Variants in PGBD5 observed in about 807,000 individuals in gnomAD.
The protein encoded by PGBD5 is piggyBac transposable element-derived protein 5.
Under a neutral mutation model 47.9 loss-of-function variants are expected in PGBD5, and 14 were observed. That is an observed-to-expected ratio of 0.29 (90% CI 0.19 to 0.46). PGBD5 has a LOEUF of 0.46. Among genes scored for constraint, PGBD5 ranks in the 20% least tolerant of loss-of-function variants. The probability of loss-of-function intolerance (pLI) is 1.00; values close to 1 mark genes in which losing one functional copy is unlikely to be tolerated. For missense variants in PGBD5, 635 were observed against 716.0 expected (o/e 0.89, Z 1.29); for synonymous variants, 316 against 306.3 (o/e 1.03, Z -0.33).
chr1:230,335,206 TAC>T (rs1403618432), intron 4 of PGBD5, among the ~76,000 whole-genome samples: 1 of 13,598 alleles, frequency 7.4e-5, no homozygotes, highest in Admixed American at 5.8e-4. Context: ...CACACAGATA[TAC>T]AGACAGACAC....
intron 1 of PGBD5, among the ~76,000 whole-genome samples, chr1:230,398,754 G>T (rs1657061020): frequency 6.6e-6 from 1 of 152,200 alleles, no homozygotes; most frequent in Non-Finnish European, 1.5e-5. Flanking sequence ...CCAGAACTGG[G>T]TTTTTAGGGG....
chr1:230,369,214 G>T (rs1460321274), intron 1 of PGBD5, among the ~76,000 whole-genome samples: 1 of 152,240 alleles, frequency 6.6e-6, no homozygotes, highest in African/African-American at 2.4e-5. Context: ...GAGACCTGAA[G>T]ACTTCCACCC....
chr1:230,358,023 T>A (rs1667683702), intron 1 of PGBD5, among the ~76,000 whole-genome samples: 1 of 151,778 alleles, frequency 6.6e-6, no homozygotes, highest in Non-Finnish European at 1.5e-5. Context: ...TACACATACA[T>A]ACATTTAAAA....
At chr1:230,339,992 C>G (rs1328797331) in intron 3 of PGBD5, among the ~76,000 whole-genome samples, 1 of 152,130 alleles carries the variant, frequency 6.6e-6, no homozygotes, top group Non-Finnish European at 1.5e-5. Flanking sequence ...TTTAAGTGTT[C>G]TCACCACAAA....
At chr1:230,403,683 G>C (rs1657202073) in intron 1 of PGBD5, among the ~76,000 whole-genome samples, 1 of 152,320 alleles carries the variant, frequency 6.6e-6, no homozygotes, top group South Asian at 2.1e-4. Context: ...ACAAGTAAAG[G>C]GAAGGTCATG....
At chr1:230,397,502 A>C (rs1657015445) in intron 1 of PGBD5, among the ~76,000 whole-genome samples, 1 of 152,226 alleles carries the variant, frequency 6.6e-6, no homozygotes, top group Admixed American at 6.5e-5. Context: ...TATAAAGATG[A>C]ATCTTTAAAT....
In PGBD5 at chr1:230,425,053, G is replaced by A. The variant is rs1432999484; in HGVS notation, c.331+545C>T. On this transcript the variant is annotated intron_variant, in intron 1 of 6. Coordinates refer to ENST00000391860, the MANE Select transcript of PGBD5 (RefSeq NM_001258311.2). The surrounding 1 kb of genome is among the most constrained non-coding windows in gnomAD (Gnocchi z 4.7). The stretch of plus-strand genomic sequence containing the variant: ...CAAGAGATCTGGAATGGCGCGGACA[G>A]GGAAAGTTTCTCAGATTAAGGAGAA... Among the ~76,000 whole-genome samples, 1 of 152,174 alleles carries A rather than the reference G, an allele frequency of 6.6e-6. No homozygotes were observed. The highest frequency in any genetic ancestry group is 1.5e-5 in the Non-Finnish European group (1 of 68,038).
chr1:230,417,986 G>A (rs1657555296), intron 1 of PGBD5, among the ~76,000 whole-genome samples: 2 of 152,236 alleles, frequency 1.3e-5, no homozygotes. Context: ...ATTTGGCAAT[G>A]TCTGGAGACA....
intron 3 of PGBD5, among the ~76,000 whole-genome samples, chr1:230,342,529 C>T (rs1667420980): frequency 6.6e-6 from 1 of 151,538 alleles, no homozygotes; most frequent in East Asian, 1.9e-4. Context: ...GCGGCTGTCA[C>T]CTGGGACATC....
chr1:230,419,302 C>G (rs980558713), intron 1 of PGBD5, among the ~76,000 whole-genome samples: 1 of 152,162 alleles, frequency 6.6e-6, no homozygotes, highest in African/African-American at 2.4e-5. Context: ...TGAACTAATG[C>G]AGGAATAGAA....
At chr1:230,424,476 G>C (rs1249927844) in intron 1 of PGBD5, among the ~76,000 whole-genome samples, 2 of 152,210 alleles carry the variant, frequency 1.3e-5, no homozygotes, top group Non-Finnish European at 2.9e-5. Context: ...TCAGAGTCCA[G>C]CTAACCCTAC....
At chr1:230,374,280 G>T (rs1667979036) in intron 1 of PGBD5, among the ~76,000 whole-genome samples, 2 of 152,250 alleles carry the variant, frequency 1.3e-5, no homozygotes, top group South Asian at 4.2e-4. Flanking sequence ...AGCTGGGCAT[G>T]GTGGCAGGCG....
chr1:230,325,742 C>A (rs1473319673), intron 5 of PGBD5, among the ~76,000 whole-genome samples: 1 of 152,046 alleles, frequency 6.6e-6, no homozygotes, highest in African/African-American at 2.4e-5. Flanking sequence ...TCCGACTGGG[C>A]CTTGAAAGAG....
intron 6 of PGBD5, among the ~76,000 whole-genome samples, chr1:230,324,836 T>C (rs1420873712): frequency 6.6e-6 from 1 of 152,194 alleles, no homozygotes; most frequent in African/African-American, 2.4e-5. Flanking sequence ...CCACATCTGG[T>C]GATCTAAATA....
chr1:230,374,777 T>C (rs555847658), intron 1 of PGBD5, among the ~76,000 whole-genome samples: 1 of 152,332 alleles, frequency 6.6e-6, no homozygotes, highest in Non-Finnish European at 1.5e-5. Context: ...GAGAGCAGGA[T>C]TAGGAAGTTT....
rs569400933 is a variant in PGBD5 at position 230,340,829 on chromosome 1, C to T, written c.895-3541G>A. On this transcript the variant is annotated intron_variant, in intron 3 of 6. Coordinates refer to ENST00000391860, the MANE Select transcript of PGBD5 (RefSeq NM_001258311.2). ...GATTTTACAATCCCTGGGTAGAATA[C>T]GGAAGGCAGTCCTGCCGCAGGACTG... 1.2e-4 allele frequency among the ~76,000 whole-genome samples: 19 copies of T among 152,190 alleles called. 1 individual carries two copies. The highest frequency in any genetic ancestry group is 2.2e-4 in the Non-Finnish European group (15 of 68,020).
rs539648659 is a variant in PGBD5, at chr1:230,322,671, G to A, written c.*754C>T. The A allele has an allele frequency of 1.3e-5, 2 of 153,254 alleles. No individual in the cohort carries two copies. Among genetic ancestry groups the A allele is most frequent in the South Asian group, 2.1e-4 (1 of 4,826 alleles). 9.5% of individuals were successfully genotyped at this position (153,254 alleles called of 1,614,324 possible). A position where few individuals can be genotyped will look rare whatever the true frequency, so the allele number is the denominator to read the frequency against. ...CCGGGGTCAGCGTCGGGGGTGGAGA[G>A]GAGGGGACATCTGCCTTTTACATTA... On this transcript the variant is annotated 3_prime_UTR_variant, in exon 7 of 7. Coordinates refer to ENST00000391860, the MANE Select transcript of PGBD5 (RefSeq NM_001258311.2). This position sits in a 1 kb window ranked among gnomAD's most constrained non-coding sequence, Gnocchi z 5.9.
At chr1:230,360,431 GCT>G (rs1221570912) in intron 1 of PGBD5, among the ~76,000 whole-genome samples, 1 of 152,162 alleles carries the variant, frequency 6.6e-6, no homozygotes, top group Non-Finnish European at 1.5e-5. Flanking sequence ...ATATGGTCTG[GCT>G]CTGTGTCCCC....
chr1:230,332,822 T>G, intron 5 of PGBD5, 22 bp downstream of exon 5: 1 of 1,613,840 alleles, frequency 6.2e-7, no homozygotes, highest in South Asian at 1.1e-5. Flanking sequence ...CCCCACTGTG[T>G]CAATGGCGGA....
Sources: gnomAD v4.1 joint callset for allele counts (sites outside exome capture counted in the v4.1 genomes callset) on GRCh38, gnomAD v4.1.1 for gene constraint, Gnocchi (gnomAD v3.1) non-coding constraint, MANE v1.5 for transcripts, NCBI Gene and HGNC (gene_info 2026-07-23, HGNC 2026-07-21) for gene names.